EGFL6: variants seen among roughly 807,000 people sequenced by gnomAD.
EGFL6 encodes the protein epidermal growth factor-like protein 6.
EGFL6 carries 42 observed loss-of-function variants against 43.1 expected under a neutral mutation model. That is an observed-to-expected ratio of 0.98 (90% CI 0.76 to 1.26). The LOEUF (loss-of-function observed/expected upper bound fraction) is 1.26. Among genes scored for constraint, EGFL6 ranks in the 50% most tolerant of loss-of-function variants. The pLI is 0.00. For synonymous variants in EGFL6, 164 were observed against 163.2 expected, an observed-to-expected ratio of 1.01 and a Z score of -0.04; for missense variants, 429 against 427.8, an observed-to-expected ratio of 1.00 and a Z score of -0.02.
chrX:13,614,415 G>A (rs912011079), intron 7 of EGFL6, among the ~76,000 whole-genome samples: 1 of 111,921 alleles, frequency 8.9e-6, no homozygotes, highest in South Asian at 3.7e-4. Flanking sequence ...TGTGTCCAAA[G>A]CTCAGATTAG....
chrX:13,583,007 G>A (rs765848513), intron 1 of EGFL6, among the ~76,000 whole-genome samples: 1 of 111,633 alleles, frequency 9.0e-6, no homozygotes, highest in Non-Finnish European at 1.9e-5. Flanking sequence ...AGGCTGTTTT[G>A]TGTATTACAA....
At chrX:13,583,574 GC>G (rs1381236980) in intron 1 of EGFL6, among the ~76,000 whole-genome samples, 1 of 111,526 alleles carries the variant, frequency 9.0e-6, no homozygotes, top group African/African-American at 3.3e-5. Flanking sequence ...TTCCCCTCTG[GC>G]TCCTAATACC....
intron 1 of EGFL6, among the ~76,000 whole-genome samples, chrX:13,572,898 A>G (rs1222121135): frequency 8.9e-6 from 1 of 112,432 alleles, no homozygotes; most frequent in Non-Finnish European, 1.9e-5. Context: ...TATGGGGCTA[A>G]GATTAAGGCA....
chrX:13,590,452 C>G (rs2045557155), intron 2 of EGFL6: 1 of 112,383 alleles, frequency 8.9e-6, no homozygotes, highest in African/African-American at 3.2e-5. Context: ...AGTCTACTCT[C>G]ACTGTCCCTG....
intron 1 of EGFL6, 80 bp downstream of exon 1, chrX:13,570,015 C>G: frequency 1.1e-6 from 1 of 936,005 alleles, no homozygotes; most frequent in Non-Finnish European, 1.5e-6. Context: ...TTTGCAGGCA[C>G]CCCCGCGTGT....
chrX:13,627,206 C>T lies in EGFL6; in HGVS notation c.1481C>T (p.Thr494Ile). ...NSNNALAWEK[T>I]TSEDEKWKTG... ...AACAATGCCCTGGCATGGGAGAAGA[C>T]CACGAGTGAGGATGAAAAGTGGAAG... The change falls in exon 11 of 12, where the codon ACC (threonine) becomes ATC (isoleucine). Residue 494 changes from threonine to isoleucine, a missense_variant. Physicochemically the swap from Thr to Ile is moderately conservative, Grantham distance 89 (BLOSUM62 -1). Coordinates refer to ENST00000361306, the MANE Select transcript of EGFL6 (RefSeq NM_015507.4). The T allele has an allele frequency of 1.7e-6, 2 of 1,211,722 alleles. No individual in the cohort carries two copies. Among genetic ancestry groups the T allele is most frequent in the Non-Finnish European group, 2.2e-6 (2 of 895,378 alleles).
intron 11 of EGFL6, among the ~76,000 whole-genome samples, chrX:13,630,412 C>T (rs1014269004): frequency 1.2e-4 from 13 of 111,211 alleles, no homozygotes; most frequent in Admixed American, 1.9e-4. Context: ...TTGGAAAAGC[C>T]ACCATATGCC....
intron 1 of EGFL6, among the ~76,000 whole-genome samples, chrX:13,585,392 T>G (rs1430476006): frequency 8.9e-6 from 1 of 112,101 alleles, no homozygotes; most frequent in African/African-American, 3.2e-5. Context: ...GGATTATGTT[T>G]CTTTGATTTA....
intron 3 of EGFL6, among the ~76,000 whole-genome samples, chrX:13,595,210 C>G (rs969041297): frequency 9.1e-6 from 1 of 110,074 alleles, no homozygotes. Flanking sequence ...TATTTCATCT[C>G]TTTCCGTAAC....
intron 7 of EGFL6, among the ~76,000 whole-genome samples, chrX:13,612,091 G>A (rs1243489243): frequency 9.2e-6 from 1 of 109,239 alleles, no homozygotes; most frequent in Non-Finnish European, 1.9e-5. Flanking sequence ...GGTGTTTCTC[G>A]GAGAGGGGGA....
intron 1 of EGFL6, among the ~76,000 whole-genome samples, chrX:13,579,510 G>T (rs1448436125): frequency 9.0e-6 from 1 of 111,459 alleles, no homozygotes; most frequent in Non-Finnish European, 1.9e-5. Context: ...TGGGCATTTT[G>T]GTTGATTCCA....
intron 1 of EGFL6, among the ~76,000 whole-genome samples, chrX:13,576,989 A>G (rs1272273942): frequency 1.8e-5 from 2 of 110,133 alleles, no homozygotes; most frequent in African/African-American, 6.6e-5. Flanking sequence ...CTTGTTTATG[A>G]AAAAAAAATA....
intron 1 of EGFL6, among the ~76,000 whole-genome samples, chrX:13,576,340 A>C (rs1358686945): frequency 6.3e-5 from 7 of 111,576 alleles, no homozygotes; most frequent in Admixed American, 2.8e-4. Flanking sequence ...CATGAGGACA[A>C]CACCAAGGGG....
Position 13,608,335 on chromosome X carries a change from T to C in EGFL6, c.667T>C (p.Cys223Arg). ...ATGTTCTTTTTTAGATATAAATGAA[T>C]GTACTATGGATAGCCATACGTGCAG... The part of the protein sequence containing the change: ...GRYDCIDINE[C>R]TMDSHTCSHH... Residue 223 changes from cysteine (C) to arginine (R), a missense_variant, in exon 7 of 12, where the codon TGT becomes CGT. Transcript: ENST00000361306. 2 of 1,209,857 alleles carry C rather than the reference T, an allele frequency of 1.7e-6. No individual in the cohort carries two copies. Among genetic ancestry groups the C allele is most frequent in the Admixed American group, 2.2e-5 (1 of 45,928 alleles).
In EGFL6 at chrX:13,608,345, A is replaced by C. The variant is rs936057618; in HGVS notation, c.677A>C (p.Asp226Ala). 2 of 1,209,396 alleles carry C rather than the reference A, an allele frequency of 1.7e-6. No individual in the cohort carries two copies. The highest frequency in any genetic ancestry group is 2.2e-6 in the Non-Finnish European group (2 of 894,938). Residue 226 changes from aspartate (D) to alanine (A), a missense_variant, in exon 7 of 12, where the codon GAT becomes GCT. Asp to Ala is a moderately radical substitution (Grantham distance 126). Coordinates refer to ENST00000361306, the MANE Select transcript of EGFL6 (RefSeq NM_015507.4). The stretch of plus-strand genomic sequence containing the variant: ...TTAGATATAAATGAATGTACTATGG[A>C]TAGCCATACGTGCAGCCACCATGCC... ...DCIDINECTM[D>A]SHTCSHHANC...
At chrX:13,570,677 T>C (rs2045436858) in intron 1 of EGFL6, among the ~76,000 whole-genome samples, 1 of 112,022 alleles carries the variant, frequency 8.9e-6, no homozygotes, top group Non-Finnish European at 1.9e-5. Context: ...TCTAAGCACT[T>C]CAGGACTATT....
At chrX:13,626,418 C>T (rs1569210625) in intron 10 of EGFL6, among the ~76,000 whole-genome samples, 1 of 112,069 alleles carries the variant, frequency 8.9e-6, no homozygotes, top group East Asian at 2.8e-4. Flanking sequence ...AGCAAAAGTC[C>T]ACTACACCAC....
Position 13,617,881 on chromosome X carries a change from G to A in EGFL6, c.930G>A (p.Lys310=), listed in dbSNP as rs373733897. 8.3e-6 allele frequency: 10 copies of A among 1,209,218 alleles called. No homozygotes were observed. The highest frequency in any genetic ancestry group is 1.1e-5 in the Non-Finnish European group (10 of 895,153). ...AACCCACCAGGACTCCTACCCCTAA[G>A]GTGAACTTGCAGCCCTTCAACTATG... The part of the protein sequence containing the change: ...TPEPTRTPTP[K]VNLQPFNYEE... The change falls in exon 8 of 12, where the codon AAG becomes AAA. Residue 310 remains lysine, a synonymous_variant. Transcript: ENST00000361306.
intron 1 of EGFL6, among the ~76,000 whole-genome samples, chrX:13,582,663 T>G (rs1242286590): frequency 2.2e-4 from 24 of 111,603 alleles, no homozygotes; most frequent in African/African-American, 7.2e-4. Context: ...CCTTTTCACC[T>G]GAAAGCAGGC....
Sources: gnomAD v4.1 joint callset for allele counts (sites outside exome capture counted in the v4.1 genomes callset) on GRCh38, gnomAD v4.1.1 for gene constraint, MANE v1.5 for transcripts, NCBI Gene and HGNC (gene_info 2026-07-23, HGNC 2026-07-21) for gene names.